Variants in FARSB observed in about 807,000 individuals in gnomAD.
The protein encoded by FARSB is phenylalanine--tRNA ligase beta subunit.
In FARSB, 40 loss-of-function variants were observed where a neutral mutation model predicts 69.6. The ratio of observed to expected loss-of-function variants is 0.57; its 90% CI spans 0.45 to 0.75. The LOEUF (loss-of-function observed/expected upper bound fraction) is 0.75. FARSB is among the 30% of genes least tolerant of loss of function. The probability of loss-of-function intolerance (pLI) is 0.00; values close to 1 mark genes in which losing one functional copy is unlikely to be tolerated. For synonymous variants in FARSB, 235 were observed against 247.2 expected, an observed-to-expected ratio of 0.95 and a Z score of 0.46; for missense variants, 632 against 722.9, an observed-to-expected ratio of 0.87 and a Z score of 1.44.
In FARSB at chr2:222,630,173, G is replaced by T; in HGVS notation, c.788C>A (p.Ala263Glu). The change falls in exon 9 of 17, where the codon GCA becomes GAA. Residue 263 changes from alanine to glutamate, a missense_variant and splice_region_variant. By Grantham distance (107) the Ala-to-Glu change is moderately radical. Transcript: ENST00000281828. ...IECTGTDFTKAKIVLDIIVTM... is the reference protein window; with the variant it reads ...IECTGTDFTKEKIVLDIIVTM... ...GACAATAATATCAAGAACTATTTTT[G>T]CCTGCAAAGAAAAGAAAAACAAATA... is the stretch of plus-strand genomic sequence containing the variant. The T allele has an allele frequency of 3.3e-6, 5 of 1,504,730 alleles. No individual in the cohort carries two copies. The highest frequency in any genetic ancestry group is 4.5e-6 in the Non-Finnish European group (5 of 1,116,076). The allele number at this position is 1,504,730 out of a possible 1,614,324, so 93.2% of individuals were successfully genotyped here. A position where few individuals can be genotyped will look rare whatever the true frequency, so the allele number is the denominator to read the frequency against.
intron 16 of FARSB, among the ~76,000 whole-genome samples, chr2:222,595,490 G>A (rs1479636081): frequency 2.6e-5 from 4 of 152,182 alleles, no homozygotes; most frequent in African/African-American, 9.7e-5. Context: ...AGGATTAAAT[G>A]TGCATATTAC....
rs867010309 is a variant in FARSB, at chr2:222,616,571, C to G, written c.1345-2643G>C. ...AAAAAAAAAAAAAAAAAAAAAATGA[C>G]AATTGGGAAAACTAAAACAATGACT... On this transcript the variant is annotated intron_variant, in intron 14 of 16. Transcript: ENST00000281828. 3.1e-3 allele frequency among the ~76,000 whole-genome samples: 387 copies of G among 126,574 alleles called. 1 individual carries two copies. The highest frequency in any genetic ancestry group is 9.9e-3 in the African/African-American group (334 of 33,754). The allele number at this position is 126,574 out of a possible 152,430, so 83.0% of individuals were successfully genotyped here. A position where few individuals can be genotyped will look rare whatever the true frequency, so the allele number is the denominator to read the frequency against.
At chr2:222,585,368 T>G (rs780937715) in intron 16 of FARSB, among the ~76,000 whole-genome samples, 1 of 152,096 alleles carries the variant, frequency 6.6e-6, no homozygotes, top group Admixed American at 6.5e-5. Context: ...CATCTGTAGG[T>G]CACCATCATC....
chr2:222,624,529 T>C, intron 11 of FARSB, 50 bp from the exon 12 acceptor site: 3 of 1,307,094 alleles, frequency 2.3e-6, no homozygotes, highest in Non-Finnish European at 2.2e-6. Flanking sequence ...ATTTTTTTAA[T>C]GTTTACATTG....
intron 15 of FARSB, among the ~76,000 whole-genome samples, chr2:222,612,038 G>T (rs917347128): frequency 6.6e-6 from 1 of 152,066 alleles, no homozygotes; most frequent in African/African-American, 2.4e-5. Flanking sequence ...GATCATCAAG[G>T]ATCAAAACAA....
chr2:222,648,920 A>G lies in FARSB; in HGVS notation c.59-125T>C, dbSNP rs1691948648. 3 of 728,208 alleles carry G rather than the reference A, an allele frequency of 4.1e-6. No individual in the cohort carries two copies. In the Admixed American group the frequency reaches 6.1e-5, roughly 15 times the overall value. The allele number at this position is 728,208 out of a possible 1,614,324, so 45.1% of individuals were successfully genotyped here. On this transcript the variant is annotated intron_variant, in intron 1 of 16. Transcript: ENST00000281828. ...ATCATACTACTAAATATCAGGCATC[A>G]CATATTATCATTTAAAAACAAACAG...
intron 16 of FARSB, among the ~76,000 whole-genome samples, chr2:222,579,003 G>C (rs1689904311): frequency 6.6e-6 from 1 of 152,036 alleles, no homozygotes; most frequent in Non-Finnish European, 1.5e-5. Flanking sequence ...AAAGAAAAAT[G>C]AAAGAATAAT....
chr2:222,626,352 T>C (rs1199686410), intron 10 of FARSB, among the ~76,000 whole-genome samples: 1 of 152,046 alleles, frequency 6.6e-6, no homozygotes, highest in Non-Finnish European at 1.5e-5. Context: ...GTCTGACTAC[T>C]GACAACTTAT....
intron 16 of FARSB, among the ~76,000 whole-genome samples, chr2:222,587,101 T>C (rs1229463265): frequency 6.6e-6 from 1 of 152,194 alleles, no homozygotes; most frequent in Admixed American, 6.5e-5. Context: ...GACCACATAG[T>C]TGGAAGTAAA....
At chr2:222,584,725 A>C (rs889903294) in intron 16 of FARSB, among the ~76,000 whole-genome samples, 1 of 152,210 alleles carries the variant, frequency 6.6e-6, no homozygotes, top group East Asian at 1.9e-4. Flanking sequence ...TCCCACGCCC[A>C]CGGAGCCTCG....
chr2:222,619,175 A>G (rs556925937), intron 14 of FARSB, among the ~76,000 whole-genome samples: 19 of 150,550 alleles, frequency 1.3e-4, no homozygotes, highest in African/African-American at 4.4e-4. Context: ...GCATCGTGGC[A>G]TGCACCTGTA....
chr2:222,582,808 C>G (rs939554922), intron 16 of FARSB, among the ~76,000 whole-genome samples: 20 of 151,666 alleles, frequency 1.3e-4, no homozygotes, highest in Non-Finnish European at 1.5e-4. Context: ...ACCTGTAATC[C>G]CAGCTACTCG....
In FARSB at chr2:222,593,493, G is replaced by T. The variant is rs150291638; in HGVS notation, c.1618+6435C>A. Among the ~76,000 whole-genome samples the T allele has an allele frequency of 3.9e-4, 60 of 152,288 alleles. 1 individual carries two copies. The East Asian group carries it at 0.011, about 29-fold the overall frequency. ...CTTGTGGCTGATCTTTAGAGCTTTT[G>T]TGTGTAGCTTAGGCTCTGATAATTA... On this transcript the variant is annotated intron_variant, in intron 16 of 16. Transcript: ENST00000281828.
chr2:222,622,893 T>G (rs1046827711), intron 13 of FARSB, among the ~76,000 whole-genome samples: 3 of 152,238 alleles, frequency 2.0e-5, no homozygotes, highest in African/African-American at 7.2e-5. Context: ...AGAAAAATCT[T>G]AATGCTTAAT....
chr2:222,613,222 A>G (rs1416214727), intron 15 of FARSB, among the ~76,000 whole-genome samples: 2 of 152,258 alleles, frequency 1.3e-5, no homozygotes, highest in African/African-American at 4.8e-5. Context: ...TTAAATTTAT[A>G]AAACAAAACT....
intron 15 of FARSB, among the ~76,000 whole-genome samples, chr2:222,612,523 A>G (rs1432475892): frequency 6.6e-6 from 1 of 152,224 alleles, no homozygotes; most frequent in East Asian, 1.9e-4. Context: ...TACTTTGGAA[A>G]GTTAAGAATG....
intron 15 of FARSB, among the ~76,000 whole-genome samples, chr2:222,603,945 G>A (rs928593534): frequency 3.9e-5 from 6 of 151,944 alleles, no homozygotes; most frequent in Non-Finnish European, 7.4e-5. Context: ...GGCCAGGCGC[G>A]GTGGCTCACG....
intron 10 of FARSB, among the ~76,000 whole-genome samples, chr2:222,626,139 C>T (rs1691267039): frequency 6.7e-6 from 1 of 150,296 alleles, no homozygotes; most frequent in Non-Finnish European, 1.5e-5. Context: ...ATCCCAGCTA[C>T]TCGGGAGGCT....
At chr2:222,637,264 GGT>G (rs1691606041) in intron 5 of FARSB, among the ~76,000 whole-genome samples, 1 of 152,180 alleles carries the variant, frequency 6.6e-6, no homozygotes, top group Non-Finnish European at 1.5e-5. Context: ...AAACAAGTGA[GGT>G]GAGCCCTGAC....
Sources: allele counts gnomAD v4.1 joint callset (sites outside exome capture counted in the v4.1 genomes callset), GRCh38; gene constraint gnomAD v4.1.1; transcripts MANE v1.5; gene names NCBI Gene and HGNC (gene_info 2026-07-23, HGNC 2026-07-21).